The following PCDHA7 variants were observed in gnomAD, a reference collection of about 807,000 sequenced individuals.
PCDHA7 encodes the protein protocadherin alpha 7, also known as protocadherin alpha-7.
Under a neutral mutation model 57.2 loss-of-function variants are expected in PCDHA7, and 37 were observed. The observed-to-expected ratio is 0.65, with a 90% CI of 0.50 to 0.85. The LOEUF (loss-of-function observed/expected upper bound fraction) is 0.85. Among genes scored for constraint, PCDHA7 ranks in the 40% least tolerant of loss-of-function variants. The probability of loss-of-function intolerance (pLI) is 0.00; values close to 1 mark genes in which losing one functional copy is unlikely to be tolerated. For missense variants in PCDHA7, 1,188 were observed against 1,241.8 expected, an observed-to-expected ratio of 0.96 and a Z score of 0.65; for synonymous variants, 553 against 558.8, an observed-to-expected ratio of 0.99 and a Z score of 0.15.
chr5:140,966,678 C>T, intron 1 of PCDHA7: 5 of 1,313,350 alleles, frequency 3.8e-6, no homozygotes, highest in South Asian at 3.6e-5. Context: ...CAGGGTGGCA[C>T]GAGCGGAGGC....
At chr5:140,970,327 A>AGCATG (rs2096397524) in intron 1 of PCDHA7, among the ~76,000 whole-genome samples, 1 of 152,204 alleles carries the variant, frequency 6.6e-6, no homozygotes, top group African/African-American at 2.4e-5. Context: ...GTACTTCCAA[A>AGCATG]GCATGCATTC....
intron 3 of PCDHA7, among the ~76,000 whole-genome samples, chr5:140,983,034 C>G (rs923296416): frequency 2.6e-5 from 4 of 151,944 alleles, no homozygotes; most frequent in Non-Finnish European, 5.9e-5. Context: ...GATGGTTTCT[C>G]ATGGAAGTGG....
chr5:140,921,740 C>T (rs923518440), intron 1 of PCDHA7, among the ~76,000 whole-genome samples: 1 of 152,052 alleles, frequency 6.6e-6, no homozygotes, highest in Non-Finnish European at 1.5e-5. Flanking sequence ...AAATTATAAG[C>T]ATAACAGGAC....
intron 1 of PCDHA7, among the ~76,000 whole-genome samples, chr5:140,953,839 A>G (rs2094940958): frequency 6.6e-6 from 1 of 152,192 alleles, no homozygotes; most frequent in African/African-American, 2.4e-5. Flanking sequence ...TTTGTTACCC[A>G]GGTAAACATG....
intron 1 of PCDHA7, chr5:140,928,862 G>A (rs1554206427): frequency 1.2e-6 from 2 of 1,614,166 alleles, no homozygotes; most frequent in Admixed American, 1.7e-5. Context: ...GTGCTGTTGA[G>A]CAACTCTGTC....
chr5:140,910,381 TG>T (rs2075003327), intron 1 of PCDHA7, among the ~76,000 whole-genome samples: 1 of 152,188 alleles, frequency 6.6e-6, no homozygotes, highest in Admixed American at 6.5e-5. Context: ...ACCTTGCCTT[TG>T]ACAGTTGACT....
At chr5:140,902,669 T>C (rs767769713) in intron 1 of PCDHA7, among the ~76,000 whole-genome samples, 1 of 152,166 alleles carries the variant, frequency 6.6e-6, no homozygotes, top group Non-Finnish European at 1.5e-5. Flanking sequence ...ACCCAAGCAG[T>C]GTACACCGTA....
At chr5:140,886,615 C>A (rs1032902050) in intron 1 of PCDHA7, among the ~76,000 whole-genome samples, 2 of 152,028 alleles carry the variant, frequency 1.3e-5, no homozygotes, top group Admixed American at 1.3e-4. Flanking sequence ...ATCAGGAGAT[C>A]AGGAGTCCGA....
chr5:140,958,492 A>G (rs2095426229), intron 1 of PCDHA7, among the ~76,000 whole-genome samples: 1 of 152,112 alleles, frequency 6.6e-6, no homozygotes, highest in Non-Finnish European at 1.5e-5. Context: ...AAGTCCACAT[A>G]TCCTAGGAGG....
chr5:140,972,411 G>A (rs1258321444), intron 1 of PCDHA7, among the ~76,000 whole-genome samples: 1 of 151,680 alleles, frequency 6.6e-6, no homozygotes, highest in Non-Finnish European at 1.5e-5. Flanking sequence ...GGCAAACCCT[G>A]TTAAGATCTT....
chr5:140,951,603 T>G (rs1056623799), intron 1 of PCDHA7, among the ~76,000 whole-genome samples: 2 of 152,094 alleles, frequency 1.3e-5, no homozygotes, highest in African/African-American at 4.8e-5. Flanking sequence ...CTCACTGTTA[T>G]GAGAATAGCA....
In PCDHA7 at chr5:140,852,910, G is replaced by C. The variant is rs2150524838; in HGVS notation, c.2355+16172G>C. 404 of 797,110 alleles carry C rather than the reference G, an allele frequency of 5.1e-4. 8 individuals are homozygous for C. In the South Asian group the frequency reaches 0.02, roughly 39 times the overall value. 49.4% of individuals were successfully genotyped at this position (797,110 alleles called of 1,614,324 possible). A position where few individuals can be genotyped will look rare whatever the true frequency, so the allele number is the denominator to read the frequency against. ...ATTTTTTTTTTTGAGTCAGAGTCTCGCTCTGTTGCCCAGGCTGGAGTGCAG... is the reference window on the plus strand; with the variant it reads ...ATTTTTTTTTTTGAGTCAGAGTCTCCCTCTGTTGCCCAGGCTGGAGTGCAG... On this transcript the variant is annotated intron_variant, in intron 1 of 3. Transcript: ENST00000525929.
chr5:140,990,184 A>G lies in PCDHA7; in HGVS notation c.2503+7621A>G, dbSNP rs1230599539. 1.3e-5 allele frequency among the ~76,000 whole-genome samples: 2 copies of G among 152,158 alleles called. 1 individual carries two copies. The highest frequency in any genetic ancestry group is 2.9e-5 in the Non-Finnish European group (2 of 68,034). ...GGGTATGAAAAGGTGACTTTTAAGA[A>G]CCAAATGTGGACCCGAAAGAGAACA... is the stretch of plus-strand genomic sequence containing the variant. On this transcript the variant is annotated intron_variant, in intron 3 of 3. Transcript: ENST00000525929.
In PCDHA7 at chr5:141,009,880, C is replaced by G; in HGVS notation, c.2757C>G (p.Asn919Lys). The G allele has an allele frequency of 6.2e-7, 1 of 1,613,788 alleles. No individual in the cohort carries two copies. The highest frequency in any genetic ancestry group is 1.1e-5 in the South Asian group (1 of 91,042). The change falls in exon 4 of 4, where the codon AAC (asparagine) becomes AAG (lysine). Residue 919 changes from asparagine to lysine, a missense_variant. By Grantham distance (94) the Asn-to-Lys change is moderately conservative. Transcript: ENST00000525929. ...TKKKKKKKKGNKTQEKKEKGN... is the reference protein window; with the variant it reads ...TKKKKKKKKGKKTQEKKEKGN... ...AAAAGAAGAAAAAGAAGAAGGGTAA[C>G]AAGACCCAGGAGAAAAAAGAGAAAG...
intron 1 of PCDHA7, chr5:140,852,034 G>A (rs1233314142): frequency 2.1e-6 from 2 of 935,712 alleles, no homozygotes; most frequent in Non-Finnish European, 2.6e-6. Flanking sequence ...CGCTTATTGA[G>A]TTTTTGTTAT....
At chr5:140,842,234 C>T (rs2150332362) in intron 1 of PCDHA7, 8 of 1,612,528 alleles carry the variant, frequency 5.0e-6, no homozygotes, top group Admixed American at 1.7e-5. Context: ...AATAGTGATT[C>T]GGGGTAATTT....
At chr5:140,927,165 T>A in intron 1 of PCDHA7, 1 of 1,614,164 alleles carries the variant, frequency 6.2e-7, no homozygotes, top group Non-Finnish European at 8.5e-7. Context: ...GGGCCAAAGC[T>A]GCCTGCGTCT....
In PCDHA7 at chr5:140,848,506, C is replaced by G. The variant is rs1229499943; in HGVS notation, c.2355+11768C>G. 13 of 1,588,314 alleles carry G rather than the reference C, an allele frequency of 8.2e-6. 2 individuals carry two copies. The highest frequency in any genetic ancestry group is 1.3e-5 in the African/African-American group (1 of 74,152). On this transcript the variant is annotated intron_variant, in intron 1 of 3. Transcript: ENST00000525929. ...GACTGAGTATTTGAAATGTTATACT[C>G]AAGTCGAGGAGATCCAGAGGGTCAG...
intron 1 of PCDHA7, among the ~76,000 whole-genome samples, chr5:140,973,691 T>C (rs1420618979): frequency 6.6e-6 from 1 of 152,224 alleles, no homozygotes; most frequent in Non-Finnish European, 1.5e-5. Context: ...GGCCTACTGT[T>C]TCCTTCTGAC....
Sources: gnomAD v4.1 joint callset for allele counts (sites outside exome capture counted in the v4.1 genomes callset) on GRCh38, gnomAD v4.1.1 for gene constraint, MANE v1.5 for transcripts, NCBI Gene and HGNC (gene_info 2026-07-23, HGNC 2026-07-21) for gene names.